The following DLGAP2 variants were observed in gnomAD, a reference collection of about 807,000 sequenced individuals.
DLGAP2 encodes the protein DLG associated protein 2.
A neutral mutation model predicts 100.3 loss-of-function variants in DLGAP2; 26 were observed. The observed-to-expected ratio is 0.26, with a 90% CI of 0.19 to 0.36. DLGAP2 has a LOEUF of 0.36. DLGAP2 is among the 10% of genes least tolerant of loss of function. The pLI, the probability that DLGAP2 is intolerant of heterozygous loss-of-function variation, is 1.00. For synonymous variants in DLGAP2, 886 were observed against 630.1 expected (o/e 1.41, Z -6.08); for missense variants, 1,858 against 1,453.2 (o/e 1.28, Z -4.53).
chr8:761,235 A>T (rs1821075274), intron 1 of DLGAP2, among the ~76,000 whole-genome samples: 1 of 151,928 alleles, frequency 6.6e-6, no homozygotes, highest in African/African-American at 2.4e-5. Flanking sequence ...TTCCCAGTGA[A>T]TTGGTAGAAC....
chr8:1,286,400 T>G (rs1799922048), intron 3 of DLGAP2, among the ~76,000 whole-genome samples: 1 of 152,176 alleles, frequency 6.6e-6, no homozygotes. Flanking sequence ...TATATAGAAA[T>G]CGAAATGCAA....
intron 2 of DLGAP2, among the ~76,000 whole-genome samples, chr8:1,130,606 C>A (rs553996848): frequency 6.6e-6 from 1 of 152,346 alleles, no homozygotes; most frequent in East Asian, 1.9e-4. Context: ...GAGACACCCC[C>A]CTGGGTGTTT....
intron 8 of DLGAP2, among the ~76,000 whole-genome samples, chr8:1,664,258 C>T (rs1300079765): frequency 6.6e-6 from 1 of 152,174 alleles, no homozygotes; most frequent in Admixed American, 6.5e-5. Context: ...CAGGCCACGT[C>T]TACTAGCCCT....
chr8:1,243,333 C>T (rs1403832019), intron 2 of DLGAP2, among the ~76,000 whole-genome samples: 3 of 152,128 alleles, frequency 2.0e-5, no homozygotes, highest in Non-Finnish European at 4.4e-5. Context: ...GGTCTTGGCA[C>T]CTCAGTAAAG....
chr8:1,018,256 A>T (rs1419429135), intron 2 of DLGAP2, among the ~76,000 whole-genome samples: 1 of 152,132 alleles, frequency 6.6e-6, no homozygotes, highest in African/African-American at 2.4e-5. Flanking sequence ...AGACTCTGAC[A>T]CCATAGGACT....
At chr8:1,042,832 T>G (rs1425538011) in intron 2 of DLGAP2, among the ~76,000 whole-genome samples, 2 of 58,596 alleles carry the variant, frequency 3.4e-5, no homozygotes, top group African/African-American at 6.6e-5. Flanking sequence ...GTGGTGGGTG[T>G]GGGTGGTGGG....
At chr8:962,470 C>T (rs916811098) in intron 2 of DLGAP2, among the ~76,000 whole-genome samples, 39 of 152,256 alleles carry the variant, frequency 2.6e-4, no homozygotes, top group African/African-American at 7.9e-4. Flanking sequence ...GCACTGTGGC[C>T]GTGGGGCGCT....
At chr8:1,487,507 C>T (rs1799261096) in intron 3 of DLGAP2, among the ~76,000 whole-genome samples, 1 of 152,190 alleles carries the variant, frequency 6.6e-6, no homozygotes, top group African/African-American at 2.4e-5. Flanking sequence ...TGATTCCATT[C>T]TGTAGGACAA....
chr8:901,852 G>A (rs1477851680), intron 1 of DLGAP2, among the ~76,000 whole-genome samples: 1 of 152,202 alleles, frequency 6.6e-6, no homozygotes, highest in African/African-American at 2.4e-5. Flanking sequence ...CTGTAACATT[G>A]TTGCTCCCGT....
At chr8:1,167,526 G>A (rs1205799482) in intron 2 of DLGAP2, among the ~76,000 whole-genome samples, 1 of 152,090 alleles carries the variant, frequency 6.6e-6, no homozygotes, top group East Asian at 1.9e-4. Flanking sequence ...CAGACCCAGG[G>A]GATCTTAGTC....
intron 2 of DLGAP2, among the ~76,000 whole-genome samples, chr8:1,087,592 C>T (rs1298887317): frequency 1.3e-5 from 2 of 148,382 alleles, no homozygotes; most frequent in East Asian, 2.0e-4. Context: ...CCATCTTCAT[C>T]TTCTAGGCTG....
chr8:1,534,544 A>T (rs1021542309), intron 4 of DLGAP2, among the ~76,000 whole-genome samples: 21 of 152,264 alleles, frequency 1.4e-4, no homozygotes, highest in South Asian at 6.2e-4. Flanking sequence ...CTGAGTTTAG[A>T]ATCACAAAAC....
At chr8:967,032 C>T (rs759145868) in intron 2 of DLGAP2, among the ~76,000 whole-genome samples, 4 of 152,328 alleles carry the variant, frequency 2.6e-5, no homozygotes, top group East Asian at 1.9e-4. Context: ...GTCATGTGGA[C>T]ATTTGGGTTA....
chr8:1,708,258 G>A lies in DLGAP2; in HGVS notation c.*6852G>A, dbSNP rs1289776668. 1.3e-5 allele frequency: 2 copies of A among 151,930 alleles called. No homozygotes were observed. Among genetic ancestry groups the A allele is most frequent in the South Asian group, 2.1e-4 (1 of 4,828 alleles). The allele number at this position is 151,930 out of a possible 1,614,324, so 9.4% of individuals were successfully genotyped here. ...TACTTTTTTATTGGAGTGAATTCTC[G>A]TGTTATTTTAATCTCAGAAAAATTA... On this transcript the variant is annotated 3_prime_UTR_variant, in exon 15 of 15. Transcript: ENST00000637795.
At chr8:1,116,979 C>T (rs1805138099) in intron 2 of DLGAP2, among the ~76,000 whole-genome samples, 1 of 152,202 alleles carries the variant, frequency 6.6e-6, no homozygotes, top group African/African-American at 2.4e-5. Context: ...CCCAGGATCG[C>T]TTCTGCCAAA....
intron 2 of DLGAP2, among the ~76,000 whole-genome samples, chr8:1,166,275 G>A (rs187771483): frequency 1.3e-5 from 2 of 152,124 alleles, no homozygotes; most frequent in Non-Finnish European, 2.9e-5. Flanking sequence ...CCCAGTCCCC[G>A]TGCAAGATGC....
At chr8:876,331 C>T (rs1797686693) in intron 1 of DLGAP2, among the ~76,000 whole-genome samples, 1 of 152,130 alleles carries the variant, frequency 6.6e-6, no homozygotes. Flanking sequence ...GCAATAAATT[C>T]TCTGAGTTTT....
At chr8:810,872 A>G (rs1371122332) in intron 1 of DLGAP2, among the ~76,000 whole-genome samples, 2 of 152,208 alleles carry the variant, frequency 1.3e-5, no homozygotes, top group Non-Finnish European at 2.9e-5. Context: ...TTTACACGGA[A>G]TTGCAAACTT....
intron 2 of DLGAP2, among the ~76,000 whole-genome samples, chr8:1,006,033 A>G (rs555664768): frequency 6.6e-6 from 1 of 152,224 alleles, no homozygotes; most frequent in East Asian, 1.9e-4. Flanking sequence ...TACTAAAAAT[A>G]CAAAAATTAG....
Sources: allele counts gnomAD v4.1 joint callset (sites outside exome capture counted in the v4.1 genomes callset), GRCh38; gene constraint gnomAD v4.1.1; transcripts MANE v1.5; gene names NCBI Gene and HGNC (gene_info 2026-07-23, HGNC 2026-07-21).